MYO3B: variants seen among roughly 807,000 people sequenced by gnomAD.
MYO3B encodes the protein myosin IIIB.
In MYO3B, 156 loss-of-function variants were observed where a neutral mutation model predicts 174.6. The ratio of observed to expected loss-of-function variants is 0.89; its 90% CI spans 0.78 to 1.02. The LOEUF is 1.02. MYO3B is among the 50% of genes least tolerant of loss of function. The pLI, the probability that MYO3B is intolerant of heterozygous loss-of-function variation, is 0.00. For missense variants in MYO3B, 1,632 were observed against 1,639.4 expected (o/e 1.00, Z 0.08); for synonymous variants, 563 against 569.1 (o/e 0.99, Z 0.15).
At chr2:170,352,212 CA>C (rs748441472) in intron 8 of MYO3B, among the ~76,000 whole-genome samples, 2 of 152,156 alleles carry the variant, frequency 1.3e-5, no homozygotes, top group Non-Finnish European at 2.9e-5. Flanking sequence ...CTTGGTCTCC[CA>C]AAATGCTGAG....
intron 25 of MYO3B, among the ~76,000 whole-genome samples, chr2:170,480,188 G>T (rs1685599814): frequency 6.6e-6 from 1 of 152,038 alleles, no homozygotes; most frequent in East Asian, 1.9e-4. Context: ...CAGGCCTCAG[G>T]AAACAGAATC....
chr2:170,619,895 C>T (rs917906283), intron 32 of MYO3B, among the ~76,000 whole-genome samples: 16 of 151,320 alleles, frequency 1.1e-4, no homozygotes, highest in East Asian at 1.9e-4. Flanking sequence ...TACAGGCATG[C>T]GCCACCATGC....
intron 7 of MYO3B, among the ~76,000 whole-genome samples, chr2:170,284,104 C>G (rs1022190091): frequency 1.3e-5 from 2 of 152,100 alleles, no homozygotes; most frequent in Non-Finnish European, 2.9e-5. Flanking sequence ...CTGATCTAGG[C>G]TGGAGAATGT....
chr2:170,534,674 A>G (rs908656300), intron 30 of MYO3B, among the ~76,000 whole-genome samples: 1 of 152,158 alleles, frequency 6.6e-6, no homozygotes, highest in Non-Finnish European at 1.5e-5. Flanking sequence ...TTTTGAGCTT[A>G]AGCAGTCCTC....
intron 7 of MYO3B, among the ~76,000 whole-genome samples, chr2:170,279,523 G>C (rs1467884313): frequency 6.6e-6 from 1 of 151,724 alleles, no homozygotes; most frequent in East Asian, 1.9e-4. Context: ...AGGTAAACTT[G>C]TGTCATGGGG....
intron 7 of MYO3B, among the ~76,000 whole-genome samples, chr2:170,267,104 G>T (rs904246254): frequency 7.5e-5 from 4 of 53,296 alleles, no homozygotes; most frequent in Non-Finnish European, 1.5e-4. Flanking sequence ...CTCAACAGAT[G>T]AAAGTTTATT....
At chr2:170,614,721 GCTTT>G (rs1695336034) in intron 32 of MYO3B, among the ~76,000 whole-genome samples, 1 of 152,138 alleles carries the variant, frequency 6.6e-6, no homozygotes, top group Non-Finnish European at 1.5e-5. Context: ...ATAGCATAAG[GCTTT>G]CTATCAATCA....
In MYO3B at chr2:170,245,225, C is replaced by T. The variant is rs191005686; in HGVS notation, c.749+9089C>T. 1.7e-3 allele frequency among the ~76,000 whole-genome samples: 254 copies of T among 152,230 alleles called. 1 individual carries two copies. The highest frequency in any genetic ancestry group is 5.7e-3 in the African/African-American group (236 of 41,540). ...GCTTGGAATCCCACAATGTCTTAGTCGTTAAAGGCAATGGGGGTCTCTAAC... is the reference window on the plus strand; with the variant it reads ...GCTTGGAATCCCACAATGTCTTAGTTGTTAAAGGCAATGGGGGTCTCTAAC... On this transcript the variant is annotated intron_variant, in intron 7 of 34. Transcript: ENST00000408978.
chr2:170,466,397 A>G (rs540110734), intron 24 of MYO3B, 109 bp from the exon 25 acceptor site: 4 of 926,532 alleles, frequency 4.3e-6, no homozygotes, highest in South Asian at 3.1e-5. Flanking sequence ...TTCTTCCTCA[A>G]GAAGGTCTGT....
At chr2:170,209,602 ATTATAAACTATCT>A (rs1284566677) in intron 3 of MYO3B, among the ~76,000 whole-genome samples, 3 of 152,190 alleles carry the variant, frequency 2.0e-5, no homozygotes, top group African/African-American at 7.2e-5. Context: ...AGTCTGGTTT[ATTATAAACTATCT>A]TTTGAAAAGG....
intron 30 of MYO3B, among the ~76,000 whole-genome samples, chr2:170,541,253 T>C (rs140382011): frequency 1.1e-4 from 17 of 152,330 alleles, no homozygotes; most frequent in African/African-American, 3.8e-4. Context: ...TTTCTTAGAC[T>C]TTCTCCTAGA....
chr2:170,519,921 C>A, intron 30 of MYO3B: 1 of 152,338 alleles, frequency 6.6e-6, no homozygotes, highest in South Asian at 1.8e-4. Context: ...TGCAGTGAGC[C>A]AAGATTGTGC....
At chr2:170,550,347 G>A (rs1484242887) in intron 32 of MYO3B, among the ~76,000 whole-genome samples, 1 of 152,194 alleles carries the variant, frequency 6.6e-6, no homozygotes, top group African/African-American at 2.4e-5. Flanking sequence ...AAACTTCACT[G>A]TGCTCTCCAG....
At chr2:170,598,950 T>G (rs73978729) in intron 32 of MYO3B, among the ~76,000 whole-genome samples, 7,293 of 152,308 alleles carry the variant, frequency 0.048, 628 homozygotes, top group African/African-American at 0.17. Flanking sequence ...AATAGGTCCT[T>G]CCTCTTTGCC....
chr2:170,594,902 T>C (rs986422559), intron 32 of MYO3B, among the ~76,000 whole-genome samples: 2 of 151,670 alleles, frequency 1.3e-5, no homozygotes, highest in African/African-American at 2.4e-5. Flanking sequence ...AGGCGGCAAC[T>C]ACCAGGTACA....
intron 6 of MYO3B, among the ~76,000 whole-genome samples, chr2:170,232,701 T>C (rs1227075620): frequency 6.6e-6 from 1 of 152,250 alleles, no homozygotes; most frequent in Non-Finnish European, 1.5e-5. Context: ...TAAGTGATAA[T>C]AGCACCTACT....
chr2:170,535,224 G>A (rs765248409), intron 30 of MYO3B, among the ~76,000 whole-genome samples: 19 of 152,172 alleles, frequency 1.2e-4, no homozygotes, highest in African/African-American at 2.9e-4. Flanking sequence ...AAAGGTGCTC[G>A]GTAAAGACTT....
At chr2:170,485,420 C>G (rs7606319) in intron 25 of MYO3B, among the ~76,000 whole-genome samples, 74,742 of 127,552 alleles carry the variant, frequency 0.59, 23,033 homozygotes, top group Non-Finnish European at 0.7. Context: ...CACACACACA[C>G]AGAGAGAGAG....
At chr2:170,394,619 A>G (rs1400055334) in intron 16 of MYO3B, among the ~76,000 whole-genome samples, 1 of 152,234 alleles carries the variant, frequency 6.6e-6, no homozygotes, top group Non-Finnish European at 1.5e-5. Context: ...ATGAATAACC[A>G]GAATGTAATG....
Sources: allele counts gnomAD v4.1 joint callset (sites outside exome capture counted in the v4.1 genomes callset), GRCh38; gene constraint gnomAD v4.1.1; transcripts MANE v1.5; gene names NCBI Gene and HGNC (gene_info 2026-07-23, HGNC 2026-07-21).